The following CUL2 variants were observed in gnomAD, a reference collection of about 807,000 sequenced individuals.
CUL2 encodes the protein cullin-2.
A neutral mutation model predicts 110.2 loss-of-function variants in CUL2; 22 were observed. The ratio of observed to expected loss-of-function variants is 0.20; its 90% CI spans 0.14 to 0.28. CUL2 has a LOEUF of 0.28. CUL2 is among the 10% of genes least tolerant of loss of function. CUL2 has a pLI of 1.00. For missense variants in CUL2, 631 were observed against 905.5 expected, an observed-to-expected ratio of 0.70 and a Z score of 3.89; for synonymous variants, 279 against 293.2, an observed-to-expected ratio of 0.95 and a Z score of 0.49.
Position 35,010,317 on chromosome 10 carries a change from G to T in CUL2, c.2232C>A (p.Val744=). 1 of 1,606,988 alleles carries T rather than the reference G, an allele frequency of 6.2e-7. No individual in the cohort carries two copies. The highest frequency in any genetic ancestry group is 8.5e-7 in the Non-Finnish European group (1 of 1,176,506). ...SQASADEYSY[V]A is the part of the protein sequence containing the mutation. Reference sequence around the variant, plus strand: ...ACGCTGGAGGAGAGCGACATCACGCGACGTAGCTGTATTCATCTGCCGACG... The same window carrying T: ...ACGCTGGAGGAGAGCGACATCACGCTACGTAGCTGTATTCATCTGCCGACG... The change falls in exon 21 of 21, where the codon GTC becomes GTA. Residue 744 remains valine, a synonymous_variant. Coordinates refer to ENST00000374749, the MANE Select transcript of CUL2 (RefSeq NM_003591.4).
At position 35,040,590 on chromosome 10, in the gene CUL2, A is replaced by G. The variant is rs77212639; in HGVS notation, c.715-1508T>C. On this transcript the variant is annotated intron_variant, in intron 8 of 20. Coordinates refer to ENST00000374749, the MANE Select transcript of CUL2 (RefSeq NM_003591.4). ...AGGTTCCCACAGTCCTGTCTTTCCTATTGTGCGACCCTTTGAAGCCAGGAG... is the reference window on the plus strand; with the variant it reads ...AGGTTCCCACAGTCCTGTCTTTCCTGTTGTGCGACCCTTTGAAGCCAGGAG... Among the ~76,000 whole-genome samples, 16 of 152,220 alleles carry G rather than the reference A, an allele frequency of 1.1e-4. No homozygotes were observed. In the East Asian group the frequency reaches 2.7e-3, roughly 26 times the overall value.
intron 1 of CUL2, among the ~76,000 whole-genome samples, chr10:35,122,553 C>A (rs762391933): frequency 2.6e-5 from 4 of 152,142 alleles, no homozygotes; most frequent in Non-Finnish European, 4.4e-5. Flanking sequence ...GTGCCAGGCA[C>A]AATGTTCTAT....
chr10:35,049,650 A>T, intron 6 of CUL2, 33 bp downstream of exon 6: 1 of 1,553,976 alleles, frequency 6.4e-7, no homozygotes, highest in Non-Finnish European at 8.9e-7. Context: ...AACAAAATAA[A>T]ATTGACTCAG....
At chr10:35,096,627 A>C (rs1432739403) in intron 2 of CUL2, among the ~76,000 whole-genome samples, 1 of 152,102 alleles carries the variant, frequency 6.6e-6, no homozygotes. Context: ...CAAACAAATA[A>C]ACAAAACTGT....
chr10:35,076,523 T>C (rs1174628597), intron 1 of CUL2, among the ~76,000 whole-genome samples: 1 of 152,128 alleles, frequency 6.6e-6, no homozygotes, highest in African/African-American at 2.4e-5. Context: ...ATCCATATGG[T>C]CATTTAGCAT....
At chr10:35,041,464 T>C (rs532490569) in intron 8 of CUL2, among the ~76,000 whole-genome samples, 1 of 152,290 alleles carries the variant, frequency 6.6e-6, no homozygotes, top group Admixed American at 6.5e-5. Flanking sequence ...CCCAATTAAC[T>C]AAATGGAGAG....
chr10:35,123,663 T>C (rs567876945), intron 1 of CUL2, among the ~76,000 whole-genome samples: 1 of 152,138 alleles, frequency 6.6e-6, no homozygotes, highest in East Asian at 1.9e-4. Context: ...GACAAGGAGC[T>C]GAAAAGTGCC....
At chr10:35,125,440 C>A (rs1044811528) in intron 1 of CUL2, among the ~76,000 whole-genome samples, 1 of 152,162 alleles carries the variant, frequency 6.6e-6, no homozygotes, top group Admixed American at 6.5e-5. Context: ...ATATGAACTC[C>A]TGTTACAGAG....
At chr10:35,053,857 C>G (rs2086174864) in intron 5 of CUL2, among the ~76,000 whole-genome samples, 1 of 152,122 alleles carries the variant, frequency 6.6e-6, no homozygotes, top group African/African-American at 2.4e-5. Context: ...GTGCAGGGAC[C>G]TTCTGTCTGT....
At chr10:35,018,495 G>T (rs549484348) in intron 17 of CUL2, among the ~76,000 whole-genome samples, 2 of 151,992 alleles carry the variant, frequency 1.3e-5, no homozygotes, top group Non-Finnish European at 2.9e-5. Flanking sequence ...CGGGCGCAGT[G>T]GCTCACGCCT....
At chr10:35,044,051 CA>C (rs534515519) in intron 8 of CUL2, among the ~76,000 whole-genome samples, 1,665 of 87,638 alleles carry the variant, frequency 0.019, 8 homozygotes, top group African/African-American at 0.044. Context: ...ACCACATCTC[CA>C]AAAAAAAAAA....
chr10:35,112,332 A>G (rs1294228555), intron 1 of CUL2, among the ~76,000 whole-genome samples: 1 of 152,236 alleles, frequency 6.6e-6, no homozygotes, highest in Non-Finnish European at 1.5e-5. Flanking sequence ...CAGATGGTAG[A>G]TAATGGGCAG....
chr10:35,126,344 G>C (rs1481615675), intron 1 of CUL2, among the ~76,000 whole-genome samples: 1 of 152,238 alleles, frequency 6.6e-6, no homozygotes, highest in African/African-American at 2.4e-5. Context: ...GCTTCTTTTG[G>C]AGAAGGACTC....
chr10:35,039,438 CTA>C (rs1400180127), intron 8 of CUL2, among the ~76,000 whole-genome samples: 1 of 152,116 alleles, frequency 6.6e-6, no homozygotes, highest in Non-Finnish European at 1.5e-5. Flanking sequence ...TTATGAATAA[CTA>C]TCAAACTAAA....
intron 4 of CUL2, among the ~76,000 whole-genome samples, chr10:35,059,955 C>T (rs2086340305): frequency 6.6e-6 from 1 of 152,284 alleles, no homozygotes; most frequent in South Asian, 2.1e-4. Flanking sequence ...TCACAAATAG[C>T]ACCAATTTAA....
chr10:35,064,833 G>A (rs1564733581), intron 2 of CUL2, among the ~76,000 whole-genome samples: 1 of 152,016 alleles, frequency 6.6e-6, no homozygotes, highest in East Asian at 1.9e-4. Flanking sequence ...ATGAGCCACC[G>A]CTCAATATAT....
upstream of CUL2, among the ~76,000 whole-genome samples, chr10:35,095,230 A>C (rs1483609732): frequency 6.6e-6 from 1 of 151,922 alleles, no homozygotes; most frequent in African/African-American, 2.4e-5. Context: ...AGGCTGAGGC[A>C]GGAGAATCAC....
intron 1 of CUL2, among the ~76,000 whole-genome samples, chr10:35,114,826 T>TAA (rs71033377): frequency 6.6e-6 from 1 of 152,190 alleles, no homozygotes; most frequent in Admixed American, 6.5e-5. Context: ...AGGTCTGAAA[T>TAA]AAAAAATACA....
rs536235231 is a variant in CUL2 at position 35,045,019 on chromosome 10, A to AT, written c.507-152dup. On this transcript the variant is annotated intron_variant, in intron 6 of 20. Transcript: ENST00000374749. ...GGTACATGCATGAATCTTAACAATG[A>AT]TTTTTTTTATATCACAGCTGAGTTA... 2,413 of 554,986 alleles carry AT rather than the reference A, an allele frequency of 4.3e-3. 9 individuals are homozygous for AT. The highest frequency in any genetic ancestry group is 5.9e-3 in the Non-Finnish European group (1,838 of 313,328). 34.4% of individuals were successfully genotyped at this position (554,986 alleles called of 1,614,324 possible). A position where few individuals can be genotyped will look rare whatever the true frequency, so the allele number is the denominator to read the frequency against.
Sources: gnomAD v4.1 joint callset for allele counts (sites outside exome capture counted in the v4.1 genomes callset) on GRCh38, gnomAD v4.1.1 for gene constraint, MANE v1.5 for transcripts, NCBI Gene and HGNC (gene_info 2026-07-23, HGNC 2026-07-21) for gene names.